The following SYDE2 variants were observed in gnomAD, a reference collection of about 807,000 sequenced individuals.
SYDE2 encodes rho GTPase-activating protein SYDE2.
SYDE2 carries 76 observed loss-of-function variants against 91.5 expected under a neutral mutation model. That is an observed-to-expected ratio of 0.83 (90% confidence interval 0.69 to 1.01). The LOEUF is 1.01. SYDE2 is among the 50% of genes least tolerant of loss of function. SYDE2 has a pLI of 0.00. For synonymous variants in SYDE2, 513 were observed against 506.4 expected (o/e 1.01, Z -0.18); for missense variants, 1,364 against 1,367.7 (o/e 1.00, Z 0.04).
At position 85,200,790 on chromosome 1, in the gene SYDE2, C is replaced by A. The variant is rs1557763260; in HGVS notation, c.207G>T (p.Pro69=). 6.6e-7 allele frequency: 1 copy of A among 1,512,792 alleles called. No individual in the cohort carries two copies. Among genetic ancestry groups the A allele is most frequent in the Non-Finnish European group, 8.8e-7 (1 of 1,136,652 alleles). The allele number at this position is 1,512,792 out of a possible 1,614,324, so 93.7% of individuals were successfully genotyped here. Residue 69 remains proline (P), a synonymous_variant, in exon 1 of 7, where the codon CCG becomes CCT. Transcript: ENST00000341460. ...VSPPRSPQRE[P]RGGQLRTPRM... ...GAGGAGTCCGCAGCTGGCCTCCCCG[C>A]GGCTCCCTCTGAGGCGACCGGGGCG...
chr1:85,164,790 A>C, intron 5 of SYDE2, 33 bp from the exon 6 acceptor site: 2 of 1,222,722 alleles, frequency 1.6e-6, no homozygotes, highest in Non-Finnish European at 2.1e-6. Flanking sequence ...TAATATAGTC[A>C]TAAAGAGGCA....
intron 4 of SYDE2, among the ~76,000 whole-genome samples, chr1:85,177,854 C>G (rs1657761772): frequency 6.6e-6 from 1 of 152,196 alleles, no homozygotes; most frequent in Non-Finnish European, 1.5e-5. Context: ...TCAAACTCAA[C>G]TTCCAAAGCA....
rs1161109743 is a variant in SYDE2 at position 85,200,545 on chromosome 1, C to T, written c.452G>A (p.Gly151Asp). 2 of 1,611,060 alleles carry T rather than the reference C, an allele frequency of 1.2e-6. No homozygotes were observed. Among genetic ancestry groups the T allele is most frequent in the African/African-American group, 2.7e-5 (2 of 74,930 alleles). Residue 151 changes from glycine to aspartate, a missense_variant, in exon 1 of 7, where the codon GGC becomes GAC. Coordinates refer to ENST00000341460, the MANE Select transcript of SYDE2 (RefSeq NM_032184.2). ...CCTGAAAGGGCTTCCCGAGGAGCAG[C>T]CGTGGTCCTTGCAGCCTGGAGGCTG... Reference protein sequence around the residue: ...GLQPPGCKDHGCSSGSPFRDP... With the variant: ...GLQPPGCKDHDCSSGSPFRDP...
At position 85,190,743 on chromosome 1, in the gene SYDE2, T is replaced by A. The variant is rs763791987; in HGVS notation, c.755A>T (p.Glu252Val). 1.1e-5 allele frequency: 17 copies of A among 1,591,906 alleles called. No homozygotes were observed. Among genetic ancestry groups the A allele is most frequent in the Non-Finnish European group, 1.5e-5 (17 of 1,170,446 alleles). Residue 252 changes from glutamate (E) to valine (V), a missense_variant, in exon 2 of 7, where the codon GAA becomes GTA. By Grantham distance (121) the Glu-to-Val change is moderately radical (BLOSUM62 -2). Coordinates refer to ENST00000341460, the MANE Select transcript of SYDE2 (RefSeq NM_032184.2). ...DQRITLTDLF[E>V]NAYGSSMKGR... is the part of the protein sequence containing the mutation. ...CTTCATTGAAGACCCATAGGCATTT[T>A]CAAATAAATCTGTTGCAAAGATAGA...
chr1:85,156,070 A>T (rs1440166784), downstream of SYDE2, among the ~76,000 whole-genome samples: 1 of 152,214 alleles, frequency 6.6e-6, no homozygotes, highest in Non-Finnish European at 1.5e-5. Context: ...TATCATTCAT[A>T]GAATAACAAA....
In SYDE2 at chr1:85,158,935, CT is replaced by C. The variant is rs765711713; in HGVS notation, c.3399del (p.Val1134Ter). 26 of 780,720 alleles carry C rather than the reference CT, an allele frequency of 3.3e-5. No individual in the cohort carries two copies. In the South Asian group the frequency reaches 3.4e-4, roughly 10 times the overall value. 48.4% of individuals were successfully genotyped at this position (780,720 alleles called of 1,614,324 possible). On this transcript the variant is annotated frameshift_variant, in exon 7 of 7. Coordinates refer to ENST00000341460, the MANE Select transcript of SYDE2 (RefSeq NM_032184.2). LOFTEE classifies it high-confidence loss of function. ...GENYSKMDGP[E>X]VMIEQPIPMS... ...ATGGGAATTGGCTGTTCAATCATTA[CT>C]TCTGGCCCATCCATTTTGCTATAAT...
At chr1:85,178,369 G>A in intron 3 of SYDE2, 97 bp from the exon 4 acceptor site, 1 of 1,112,944 alleles carries the variant, frequency 9.0e-7, no homozygotes, top group South Asian at 1.7e-5. Context: ...AATATGTTCT[G>A]ATGTCATTTA....
At position 85,200,529 on chromosome 1, in the gene SYDE2, G is replaced by A. The variant is rs201203252; in HGVS notation, c.468C>T (p.Ser156=). 364 of 1,612,746 alleles carry A rather than the reference G, an allele frequency of 2.3e-4. 1 individual carries two copies. In the African/African-American group the frequency reaches 4.1e-3, roughly 18 times the overall value. ...GCKDHGCSSG[S]PFRDPAGSSV... ...AGGACCCCGCTGGATCCCTGAAAGG[G>A]CTTCCCGAGGAGCAGCCGTGGTCCT... is the stretch of plus-strand genomic sequence containing the variant. Residue 156 remains serine (S), a synonymous_variant, in exon 1 of 7, where the codon AGC becomes AGT. Coordinates refer to ENST00000341460, the MANE Select transcript of SYDE2 (RefSeq NM_032184.2).
chr1:85,178,795 G>A (rs10493762), intron 3 of SYDE2, among the ~76,000 whole-genome samples: 9,163 of 151,250 alleles, frequency 0.061, 482 homozygotes, highest in East Asian at 0.28. Context: ...AGATTCTCAG[G>A]AAGACCCAGA....
At chr1:85,177,922 TTAAAG>T (rs144856160) in intron 4 of SYDE2, among the ~76,000 whole-genome samples, 3,772 of 152,268 alleles carry the variant, frequency 0.025, 164 homozygotes, top group African/African-American at 0.086. Flanking sequence ...TATAGCTAAC[TTAAAG>T]TAGGTCTTAC....
At chr1:85,172,156 A>C (rs1185096774) in intron 4 of SYDE2, among the ~76,000 whole-genome samples, 1 of 152,224 alleles carries the variant, frequency 6.6e-6, no homozygotes, top group East Asian at 1.9e-4. Context: ...TATTACAGAA[A>C]GGAAGTGGAA....
chr1:85,186,586 G>A (rs1196616642), intron 2 of SYDE2, among the ~76,000 whole-genome samples: 1 of 151,992 alleles, frequency 6.6e-6, no homozygotes, highest in Non-Finnish European at 1.5e-5. Flanking sequence ...AACAAAGCTG[G>A]AGGCATCACG....
intron 4 of SYDE2, among the ~76,000 whole-genome samples, chr1:85,169,536 G>T (rs1657423262): frequency 6.6e-6 from 1 of 152,122 alleles, no homozygotes; most frequent in Admixed American, 6.5e-5. Flanking sequence ...CCTATAAAAA[G>T]CTTCTCTAAA....
In SYDE2 at chr1:85,159,110, T is replaced by C; in HGVS notation, c.3225A>G (p.Pro1075=). 2 of 780,898 alleles carry C rather than the reference T, an allele frequency of 2.6e-6. No homozygotes were observed. The highest frequency in any genetic ancestry group is 2.4e-6 in the Non-Finnish European group (1 of 417,984). The allele number at this position is 780,898 out of a possible 1,614,324, so 48.4% of individuals were successfully genotyped here. ...GTGGACTGTCTAATCGGTTTTGCCTTGGCCTAAGTACTCCTGATGAATCAG... is the reference window on the plus strand; with the variant it reads ...GTGGACTGTCTAATCGGTTTTGCCTCGGCCTAAGTACTCCTGATGAATCAG... ...SGTDSSGVLR[P]RQNRLDSPLS... Residue 1075 remains proline, a synonymous_variant, in exon 7 of 7, where the codon CCA becomes CCG. Transcript: ENST00000341460.
In SYDE2 at chr1:85,164,578, C is replaced by A. The variant is rs1657195570; in HGVS notation, c.3033G>T (p.Leu1011Phe). Residue 1011 changes from leucine to phenylalanine, a missense_variant, in exon 6 of 7, where the codon TTG (leucine) becomes TTT (phenylalanine). Physicochemically the swap from Leu to Phe is conservative, Grantham distance 22 (BLOSUM62 0). Transcript: ENST00000341460. ...GAACTTCAATGTGTTTTTTAAAATC[C>A]AAAGCACTTGCAAGTTCTTCTGAAT... ...FTDSEELASALDFKKHIEVLH... is the reference protein window; with the variant it reads ...FTDSEELASAFDFKKHIEVLH... 1.9e-6 allele frequency: 3 copies of A among 1,606,930 alleles called. No homozygotes were observed. Among genetic ancestry groups the A allele is most frequent in the African/African-American group, 1.3e-5 (1 of 74,696 alleles).
At position 85,159,227 on chromosome 1, in the gene SYDE2, T is replaced by C. The variant is rs1474359620; in HGVS notation, c.3108A>G (p.Lys1036=). Residue 1036 remains lysine (K), a synonymous_variant, in exon 7 of 7, where the codon AAA becomes AAG. Transcript: ENST00000341460. ...GCTCTGGGAATAAATTGTCTGTTGA[T>C]TTTTTGACAGTTAAACGCTGCACTA... ...LWPVQRLTVK[K]STDNLFPEQK... is the part of the protein sequence containing the mutation. 1.3e-6 allele frequency: 1 copy of C among 780,502 alleles called. No homozygotes were observed. The highest frequency in any genetic ancestry group is 1.7e-5 in the Admixed American group (1 of 59,004). The allele number at this position is 780,502 out of a possible 1,614,324, so 48.3% of individuals were successfully genotyped here.
At chr1:85,180,571 T>C (rs1346034775) in intron 3 of SYDE2, among the ~76,000 whole-genome samples, 2 of 151,696 alleles carry the variant, frequency 1.3e-5, no homozygotes, top group Non-Finnish European at 2.9e-5. Flanking sequence ...CGTGCACCTG[T>C]AATCCCAGCT....
chr1:85,172,965 G>T (rs1252963280), intron 4 of SYDE2, among the ~76,000 whole-genome samples: 1 of 152,136 alleles, frequency 6.6e-6, no homozygotes, highest in Non-Finnish European at 1.5e-5. Flanking sequence ...CATAGTGTGG[G>T]CAATCACTCT....
At chr1:85,175,127 G>A (rs1178593578) in intron 4 of SYDE2, among the ~76,000 whole-genome samples, 1 of 152,140 alleles carries the variant, frequency 6.6e-6, no homozygotes, top group East Asian at 1.9e-4. Flanking sequence ...ATCCTCATCA[G>A]AAGACTTATT....
Sources: allele counts gnomAD v4.1 joint callset (sites outside exome capture counted in the v4.1 genomes callset), GRCh38; gene constraint gnomAD v4.1.1; transcripts MANE v1.5; gene names NCBI Gene and HGNC (gene_info 2026-07-23, HGNC 2026-07-21).